Variants in SI observed in about 807,000 individuals in gnomAD.
SI encodes the protein sucrase-isomaltase, intestinal.
A neutral mutation model predicts 253.3 loss-of-function variants in SI; 235 were observed. That is an observed-to-expected ratio of 0.93 (90% CI 0.83 to 1.03). SI has a LOEUF of 1.03. Ranked by LOEUF, SI falls within the 50% of genes least tolerant of loss-of-function variation. The pLI, the probability that SI is intolerant of heterozygous loss-of-function variation, is 0.00. For missense variants in SI, 2,442 were observed against 2,211.1 expected (o/e 1.10, Z -2.09); for synonymous variants, 819 against 712.0 (o/e 1.15, Z -2.39).
chr3:164,986,302 A>G (rs1303686333), intron 45 of SI, among the ~76,000 whole-genome samples: 1 of 152,176 alleles, frequency 6.6e-6, no homozygotes, highest in East Asian at 1.9e-4. Flanking sequence ...CACAGAAACT[A>G]GAATCCTTTT....
chr3:165,069,547 T>C (rs1246761211), intron 3 of SI, among the ~76,000 whole-genome samples: 1 of 152,082 alleles, frequency 6.6e-6, no homozygotes, highest in Non-Finnish European at 1.5e-5. Flanking sequence ...ATTTATTTTG[T>C]ACTAATTATG....
At position 165,019,593 on chromosome 3, in the gene SI, G is replaced by C. The variant is rs1006502055; in HGVS notation, c.3423+9C>G. ...TTGCCTCGTGGAGTGGTCATATGTT[G>C]GTACCTACACCAGGGGGTTGGTCTC... On this transcript the variant is annotated intron_variant, in intron 28 of 47. Transcript: ENST00000264382. 20 of 1,611,304 alleles carry C rather than the reference G, an allele frequency of 1.2e-5. No homozygotes were observed. Among genetic ancestry groups the C allele is most frequent in the Admixed American group, 1.7e-5 (1 of 59,714 alleles).
chr3:165,022,247 CAT>C (rs1285702549), intron 26 of SI, among the ~76,000 whole-genome samples: 1 of 151,448 alleles, frequency 6.6e-6, no homozygotes, highest in Non-Finnish European at 1.5e-5. Flanking sequence ...GATGTGAAAA[CAT>C]ATTTTATTTT....
chr3:165,049,679 G>A (rs1361649442), intron 14 of SI, 112 bp downstream of exon 14: 2 of 690,254 alleles, frequency 2.9e-6, no homozygotes, highest in African/African-American at 1.8e-5. Flanking sequence ...TGATTTTATG[G>A]TTTTAGAACT....
rs138049775 is a variant in SI at position 165,032,956 on chromosome 3, G to T, written c.2566-264C>A. The stretch of plus-strand genomic sequence containing the variant: ...TCATTCTAGTCCTAACATTGATGAA[G>T]AATAATTTAGCTTTGCTAAAGAAGA... On this transcript the variant is annotated intron_variant, in intron 23 of 47. Coordinates refer to ENST00000264382, the MANE Select transcript of SI (RefSeq NM_001041.4). Among the ~76,000 whole-genome samples the T allele has an allele frequency of 7.3e-5, 11 of 151,274 alleles. No individual in the cohort carries two copies. The East Asian group carries it at 2.1e-3, about 29-fold the overall frequency.
At chr3:165,036,687 A>C (rs1712549958) in intron 21 of SI, among the ~76,000 whole-genome samples, 1 of 151,894 alleles carries the variant, frequency 6.6e-6, no homozygotes, top group Admixed American at 6.6e-5. Context: ...CATGTAGAAA[A>C]TAAGTCAAAA....
At chr3:165,055,706 ACTGT>A (rs1407628949) in intron 12 of SI, among the ~76,000 whole-genome samples, 11 of 152,076 alleles carry the variant, frequency 7.2e-5, no homozygotes, top group Non-Finnish European at 1.3e-4. Flanking sequence ...AATTTTAAAA[ACTGT>A]CTTTTATGTT....
intron 33 of SI, among the ~76,000 whole-genome samples, chr3:165,013,371 G>A (rs1718861515): frequency 6.6e-6 from 1 of 151,914 alleles, no homozygotes; most frequent in South Asian, 2.1e-4. Context: ...ATTTAATATA[G>A]TATATTAGAA....
chr3:165,024,379 AC>A (rs1711790338), intron 25 of SI, among the ~76,000 whole-genome samples: 1 of 151,396 alleles, frequency 6.6e-6, no homozygotes, highest in Non-Finnish European at 1.5e-5. Flanking sequence ...TGGTTGCCAT[AC>A]CACAATCCAT....
chr3:165,088,570 G>A, the SI span, among the ~76,000 whole-genome samples: 1 of 151,932 alleles, frequency 6.6e-6, no homozygotes, highest in Non-Finnish European at 1.5e-5. Context: ...GAACCTGGGA[G>A]GCAGAAGTTG....
intron 16 of SI, among the ~76,000 whole-genome samples, chr3:165,045,605 C>T (rs1212649319): frequency 6.6e-6 from 1 of 151,618 alleles, no homozygotes; most frequent in Non-Finnish European, 1.5e-5. Context: ...TTACTTACAT[C>T]TTTCTTTAGG....
At chr3:165,025,160 T>C (rs536888813) in intron 25 of SI, among the ~76,000 whole-genome samples, 1 of 151,246 alleles carries the variant, frequency 6.6e-6, no homozygotes, top group African/African-American at 2.4e-5. Context: ...TATTCAAGCT[T>C]ATTTCGTTGA....
At chr3:165,030,932 A>G in intron 24 of SI, 65 bp from the exon 25 acceptor site, 1 of 1,498,788 alleles carries the variant, frequency 6.7e-7, no homozygotes, top group Non-Finnish European at 8.9e-7. Context: ...AAAACATTAA[A>G]CACTGTATCT....
At chr3:165,076,876 T>C (rs1214597395) in intron 1 of SI, among the ~76,000 whole-genome samples, 1 of 151,624 alleles carries the variant, frequency 6.6e-6, no homozygotes, top group African/African-American at 2.4e-5. Flanking sequence ...CTGTATTCTA[T>C]GATTTTAGTA....
At chr3:165,046,782 A>T in intron 16 of SI, 59 bp downstream of exon 16, 1 of 1,320,776 alleles carries the variant, frequency 7.6e-7, no homozygotes, top group Non-Finnish European at 1.1e-6. Flanking sequence ...AATTAAGATT[A>T]CATTAAAAAT....
chr3:165,018,903 A>T (rs1719172124), intron 28 of SI, among the ~76,000 whole-genome samples: 1 of 151,788 alleles, frequency 6.6e-6, no homozygotes, highest in South Asian at 2.1e-4. Context: ...AGCACCTAAC[A>T]ATAAAAAATG....
At chr3:165,037,396 C>T (rs187505044) in intron 21 of SI, among the ~76,000 whole-genome samples, 114 of 151,816 alleles carry the variant, frequency 7.5e-4, no homozygotes, top group Middle Eastern at 3.4e-3. Flanking sequence ...TTTCAAGTTT[C>T]TTTTATTTTT....
At chr3:165,048,241 G>T (rs1209750493) in intron 15 of SI, among the ~76,000 whole-genome samples, 1 of 151,876 alleles carries the variant, frequency 6.6e-6, no homozygotes, top group Non-Finnish European at 1.5e-5. Context: ...ACTGACTATT[G>T]TATCACAGGA....
chr3:165,079,804 GAT>G (rs1392158695), upstream of SI, among the ~76,000 whole-genome samples: 1 of 151,712 alleles, frequency 6.6e-6, no homozygotes, highest in Non-Finnish European at 1.5e-5. Flanking sequence ...TATAGACAGA[GAT>G]ATAAGTTGAT....
Sources: allele counts gnomAD v4.1 joint callset (sites outside exome capture counted in the v4.1 genomes callset), GRCh38; gene constraint gnomAD v4.1.1; transcripts MANE v1.5; gene names NCBI Gene and HGNC (gene_info 2026-07-23, HGNC 2026-07-21).